UST: variants seen among roughly 807,000 people sequenced by gnomAD.
UST encodes uronyl 2-sulfotransferase.
A neutral mutation model predicts 45.6 loss-of-function variants in UST; 21 were observed. The ratio of observed to expected loss-of-function variants is 0.46; its 90% CI spans 0.33 to 0.66. UST has a LOEUF of 0.66. Ranked by LOEUF, UST falls within the 30% of genes least tolerant of loss-of-function variation. The probability of loss-of-function intolerance (pLI) is 0.02; values close to 1 mark genes in which losing one functional copy is unlikely to be tolerated. For synonymous variants in UST, 215 were observed against 200.6 expected (o/e 1.07, Z -0.61); for missense variants, 463 against 512.4 (o/e 0.90, Z 0.93).
chr6:148,771,809 AAATTTGTAGCTG>A (rs1244260994), intron 1 of UST, among the ~76,000 whole-genome samples: 2 of 152,198 alleles, frequency 1.3e-5, no homozygotes, highest in Admixed American at 6.5e-5. Context: ...GGTAACTACT[AAATTTGTAGCTG>A]AATTTTCTGG....
intron 5 of UST, among the ~76,000 whole-genome samples, chr6:149,010,526 A>G (rs777756498): frequency 2.6e-5 from 4 of 152,116 alleles, no homozygotes; most frequent in Non-Finnish European, 5.9e-5. Flanking sequence ...AAAAGAGCCT[A>G]CCAAAAATCT....
At chr6:148,946,062 C>T (rs767672609) in intron 3 of UST, among the ~76,000 whole-genome samples, 9 of 152,208 alleles carry the variant, frequency 5.9e-5, no homozygotes, top group Non-Finnish European at 8.8e-5. Context: ...TCTCCTGTTG[C>T]TCTTGCCCCC....
At position 148,879,610 on chromosome 6, in the gene UST, C is replaced by T. The variant is rs959339049; in HGVS notation, c.248-7376C>T. 3.9e-5 allele frequency among the ~76,000 whole-genome samples: 6 copies of T among 152,206 alleles called. No individual in the cohort carries two copies. In the South Asian group the frequency reaches 1.0e-3, roughly 26 times the overall value. ...GTAGAATGTGCAGAGAGGGCTAAACCTTGAGTGAGAAGATGGTGAGGCAGT... is the reference window on the plus strand; with the variant it reads ...GTAGAATGTGCAGAGAGGGCTAAACTTTGAGTGAGAAGATGGTGAGGCAGT... On this transcript the variant is annotated intron_variant, in intron 1 of 7. Coordinates refer to ENST00000367463, the MANE Select transcript of UST (RefSeq NM_005715.3).
intron 1 of UST, among the ~76,000 whole-genome samples, chr6:148,859,036 A>G (rs932507326): frequency 7.9e-5 from 12 of 152,214 alleles, no homozygotes; most frequent in African/African-American, 2.7e-4. Flanking sequence ...GCTTGGTCAA[A>G]TGGTATTTCT....
intron 2 of UST, among the ~76,000 whole-genome samples, chr6:148,927,274 C>T (rs547673343): frequency 6.6e-6 from 1 of 152,188 alleles, no homozygotes; most frequent in South Asian, 2.1e-4. Context: ...TTGGCCTTCC[C>T]ATAGCCTTAC....
chr6:149,004,675 A>G (rs570777382), intron 5 of UST, among the ~76,000 whole-genome samples: 1 of 152,372 alleles, frequency 6.6e-6, no homozygotes, highest in Non-Finnish European at 1.5e-5. Flanking sequence ...AACCAGGAGT[A>G]CTGAGCAAGC....
intron 7 of UST, among the ~76,000 whole-genome samples, chr6:149,051,743 G>A (rs1402620545): frequency 6.6e-6 from 1 of 151,988 alleles, no homozygotes; most frequent in East Asian, 1.9e-4. Context: ...CAGTGGCGAT[G>A]GGGGGGTGTC....
chr6:148,865,493 C>A (rs1337468791), intron 1 of UST, among the ~76,000 whole-genome samples: 1 of 151,970 alleles, frequency 6.6e-6, no homozygotes, highest in Non-Finnish European at 1.5e-5. Context: ...TTGGAAAAGT[C>A]ATTTACTTAT....
chr6:148,935,082 G>T (rs577287118), intron 2 of UST, among the ~76,000 whole-genome samples: 26 of 152,128 alleles, frequency 1.7e-4, no homozygotes, highest in African/African-American at 6.3e-4. Context: ...TTCAAACCAG[G>T]GCTAAGCTAT....
intron 1 of UST, among the ~76,000 whole-genome samples, chr6:148,759,491 C>T (rs887207321): frequency 7.1e-5 from 10 of 141,642 alleles, no homozygotes; most frequent in East Asian, 6.5e-4. Flanking sequence ...CGCACCACTG[C>T]ACTCCAGCCC....
At chr6:148,913,723 A>G (rs1779524590) in intron 2 of UST, among the ~76,000 whole-genome samples, 1 of 152,286 alleles carries the variant, frequency 6.6e-6, no homozygotes, top group East Asian at 1.9e-4. Context: ...ATAATCTGCC[A>G]TATTAGACGA....
At chr6:148,757,742 G>A (rs765394278) in intron 1 of UST, among the ~76,000 whole-genome samples, 4 of 152,182 alleles carry the variant, frequency 2.6e-5, no homozygotes, top group Non-Finnish European at 5.9e-5. Flanking sequence ...TCATAATCTT[G>A]ATGAAAGAAA....
At chr6:148,914,361 G>A (rs1779540937) in intron 2 of UST, among the ~76,000 whole-genome samples, 1 of 147,090 alleles carries the variant, frequency 6.8e-6, no homozygotes, top group South Asian at 2.2e-4. Flanking sequence ...TGGCACCAGG[G>A]ACCAGTTGTG....
chr6:148,760,303 T>C (rs1183397616), intron 1 of UST, among the ~76,000 whole-genome samples: 1 of 152,156 alleles, frequency 6.6e-6, no homozygotes, highest in Non-Finnish European at 1.5e-5. Flanking sequence ...AGTCTCACTA[T>C]GTGATAGGTG....
chr6:148,944,684 C>T lies in UST; in HGVS notation c.447+3250C>T, dbSNP rs1327713055. 3.3e-5 allele frequency among the ~76,000 whole-genome samples: 5 copies of T among 152,148 alleles called. No homozygotes were observed. The East Asian group carries it at 9.6e-4, about 29-fold the overall frequency. ...ATCTGTCCTTATAAAAATAGAAATACCTTTGAAGTTCATATTTTGGGAAAT... is the reference window on the plus strand; with the variant it reads ...ATCTGTCCTTATAAAAATAGAAATATCTTTGAAGTTCATATTTTGGGAAAT... On this transcript the variant is annotated intron_variant, in intron 3 of 7. Transcript: ENST00000367463.
At chr6:148,852,705 A>T (rs1236124368) in intron 1 of UST, among the ~76,000 whole-genome samples, 1 of 152,052 alleles carries the variant, frequency 6.6e-6, no homozygotes, top group Non-Finnish European at 1.5e-5. Flanking sequence ...ATTCCTATTT[A>T]TCTTTTTTAT....
At chr6:148,995,373 G>A (rs1439749132) in intron 5 of UST, among the ~76,000 whole-genome samples, 1 of 152,214 alleles carries the variant, frequency 6.6e-6, no homozygotes, top group Non-Finnish European at 1.5e-5. Flanking sequence ...CAAAAAGATG[G>A]AGTGCTTCAC....
At chr6:148,912,352 A>G (rs906819912) in intron 2 of UST, among the ~76,000 whole-genome samples, 22 of 152,268 alleles carry the variant, frequency 1.4e-4, no homozygotes, top group African/African-American at 4.8e-4. Flanking sequence ...GCTGCTTATC[A>G]GAGGACATAA....
chr6:148,916,018 C>G (rs1324026216), intron 2 of UST, among the ~76,000 whole-genome samples: 2 of 143,516 alleles, frequency 1.4e-5, no homozygotes, highest in African/African-American at 4.9e-5. Flanking sequence ...TGTCACTTCT[C>G]TAAACATTTA....
Sources: gnomAD v4.1 joint callset for allele counts (sites outside exome capture counted in the v4.1 genomes callset) on GRCh38, gnomAD v4.1.1 for gene constraint, MANE v1.5 for transcripts, NCBI Gene and HGNC (gene_info 2026-07-23, HGNC 2026-07-21) for gene names.